ZHX3: variants seen among roughly 807,000 people sequenced by gnomAD.
ZHX3 encodes zinc fingers and homeoboxes protein 3.
ZHX3 carries 20 observed loss-of-function variants against 64.5 expected under a neutral mutation model. The observed-to-expected ratio is 0.31, with a 90% confidence interval of 0.22 to 0.45. The LOEUF (loss-of-function observed/expected upper bound fraction) is 0.45. Ranked by LOEUF, ZHX3 falls within the 20% of genes least tolerant of loss-of-function variation. ZHX3 has a pLI of 1.00. For missense variants in ZHX3, 1,041 were observed against 1,195.8 expected (o/e 0.87, Z 1.91); for synonymous variants, 423 against 461.6 (o/e 0.92, Z 1.07).
intron 2 of ZHX3, among the ~76,000 whole-genome samples, chr20:41,208,714 G>C (rs1488169687): frequency 1.3e-5 from 2 of 152,114 alleles, no homozygotes; most frequent in African/African-American, 4.8e-5. Context: ...AGCTATTTAT[G>C]ACAAACCCAC....
In ZHX3 at chr20:41,205,857, T is replaced by C. The variant is rs185032696; in HGVS notation, c.-150-791A>G. On this transcript the variant is annotated intron_variant, in intron 2 of 3. Transcript: ENST00000683867. Reference sequence around the variant, plus strand: ...CAGTTGGACTGCCTCCCCAAGTGGGTCCCTGACCCCTGAGTAGCCTAACTG... The same window carrying C: ...CAGTTGGACTGCCTCCCCAAGTGGGCCCCTGACCCCTGAGTAGCCTAACTG... Among the ~76,000 whole-genome samples the C allele has an allele frequency of 2.8e-3, 425 of 152,228 alleles. 3 individuals are homozygous for C. Among genetic ancestry groups the C allele is most frequent in the South Asian group, 0.016 (75 of 4,810 alleles).
chr20:41,185,009 G>A lies in ZHX3; in HGVS notation c.*182C>T. ...CCCCATCTTGCTTGCTGCTTGCTTG[G>A]TGGTGGGCAGGCCGAGGGTAGCGGC... On this transcript the variant is annotated 3_prime_UTR_variant, in exon 4 of 4. Coordinates refer to ENST00000683867, the MANE Select transcript of ZHX3 (RefSeq NM_001384317.1). The surrounding 1 kb of genome is among the most constrained non-coding windows in gnomAD (Gnocchi z 5.0). The A allele has an allele frequency of 1.3e-6, 2 of 1,551,312 alleles. No homozygotes were observed. Among genetic ancestry groups the A allele is most frequent in the Non-Finnish European group, 1.7e-6 (2 of 1,147,014 alleles).
intron 3 of ZHX3, among the ~76,000 whole-genome samples, chr20:41,192,657 G>A (rs2037132517): frequency 6.6e-6 from 1 of 152,196 alleles, no homozygotes; most frequent in Admixed American, 6.5e-5. Flanking sequence ...CCTCAGCTCT[G>A]GGGAAAACAG....
chr20:41,180,037 T>C lies in ZHX3; in HGVS notation c.*5154A>G, dbSNP rs1046109699. Reference sequence around the variant, plus strand: ...ACATACAGGTGCTCATGTGTGTGTGTGCACGCGCACATGAACACACGTTTC... The same window carrying C: ...ACATACAGGTGCTCATGTGTGTGTGCGCACGCGCACATGAACACACGTTTC... On this transcript the variant is annotated 3_prime_UTR_variant, in exon 4 of 4. Transcript: ENST00000683867. 2 of 152,702 alleles carry C rather than the reference T, an allele frequency of 1.3e-5. No individual in the cohort carries two copies. The highest frequency in any genetic ancestry group is 4.8e-5 in the African/African-American group (2 of 41,464). The allele number at this position is 152,702 out of a possible 1,614,324, so 9.5% of individuals were successfully genotyped here.
In ZHX3 at chr20:41,253,246, A is replaced by C. The variant is rs894043257; in HGVS notation, c.-151+15744T>G. Among the ~76,000 whole-genome samples, 3 of 25,934 alleles carry C rather than the reference A, an allele frequency of 1.2e-4. No homozygotes were observed. In the African/African-American group the frequency reaches 1.3e-3, roughly 11 times the overall value. The allele number at this position is 25,934 out of a possible 152,430, so 17.0% of individuals were successfully genotyped here. ...TTGTCTTGGTTTTTGGGACTACAGT[A>C]AAAAAAAAAAAAAAAGTATGGACTT... On this transcript the variant is annotated intron_variant, in intron 2 of 3. Transcript: ENST00000683867.
rs1478312026 is a variant in ZHX3, at chr20:41,204,337, C to T, written c.580G>A (p.Ala194Thr). The T allele has an allele frequency of 1.2e-6, 2 of 1,614,176 alleles. No individual in the cohort carries two copies. Among genetic ancestry groups the T allele is most frequent in the Non-Finnish European group, 1.7e-6 (2 of 1,180,032 alleles). The change falls in exon 3 of 4, where the codon GCT becomes ACT. Residue 194 changes from alanine to threonine, a missense_variant. Coordinates refer to ENST00000683867, the MANE Select transcript of ZHX3 (RefSeq NM_001384317.1). This position sits in a 1 kb window ranked among gnomAD's most constrained non-coding sequence, Gnocchi z 6.6. ...AGTGTATGAATTTTTTTGGCTTCAG[C>T]TTTGCCTTTCATTATCTTCATGATT... ...TPIMKIMKGKAEAKKIHTLKE... is the reference protein window; with the variant it reads ...TPIMKIMKGKTEAKKIHTLKE...
intron 2 of ZHX3, among the ~76,000 whole-genome samples, chr20:41,231,952 G>C (rs2040632407): frequency 6.6e-6 from 1 of 152,106 alleles, no homozygotes; most frequent in Middle Eastern, 3.2e-3. Flanking sequence ...ATAGTGATTG[G>C]CCTGGAGATG....
rs1352277392 is a variant in ZHX3 at position 41,183,169 on chromosome 20, GTA to G, written c.*2020_*2021del. 1 of 147,102 alleles carries G rather than the reference GTA, an allele frequency of 6.8e-6. No homozygotes were observed. Among genetic ancestry groups the G allele is most frequent in the Non-Finnish European group, 1.5e-5 (1 of 66,544 alleles). 9.1% of individuals were successfully genotyped at this position (147,102 alleles called of 1,614,324 possible). ...CGAGAATCAAATGAGTATTTATACT[GTA>G]TATGTGTGTGTGTATATATATATAT... On this transcript the variant is annotated 3_prime_UTR_variant, in exon 4 of 4. Coordinates refer to ENST00000683867, the MANE Select transcript of ZHX3 (RefSeq NM_001384317.1). The surrounding 1 kb of genome is among the most constrained non-coding windows in gnomAD (Gnocchi z 5.3).
chr20:41,196,243 T>C (rs1408309491), intron 3 of ZHX3, among the ~76,000 whole-genome samples: 3 of 136,062 alleles, frequency 2.2e-5, no homozygotes, highest in Non-Finnish European at 3.0e-5. Context: ...CTGTTTCATA[T>C]GTTTTGGAGC....
chr20:41,265,646 T>C (rs952961193), intron 2 of ZHX3, among the ~76,000 whole-genome samples: 1 of 152,160 alleles, frequency 6.6e-6, no homozygotes, highest in African/African-American at 2.4e-5. Context: ...ACAAATTGTC[T>C]CAGAGTCTCT....
chr20:41,214,041 C>T (rs2039348112), intron 2 of ZHX3: 1 of 152,184 alleles, frequency 6.6e-6, no homozygotes, highest in African/African-American at 2.4e-5. Context: ...TGCCACTGCA[C>T]TCCAGCCAGG....
In ZHX3 at chr20:41,179,671, C is replaced by A. The variant is rs1157804322; in HGVS notation, c.*5520G>T. On this transcript the variant is annotated 3_prime_UTR_variant, in exon 4 of 4. Transcript: ENST00000683867. This position sits in a 1 kb window ranked among gnomAD's most constrained non-coding sequence, Gnocchi z 4.3. ...TTGAGACGGAGTTTCGCTCTGTCGC[C>A]CAGGCTGGAGTGCAGTGGCACGATC... 2.0e-5 allele frequency: 3 copies of A among 151,560 alleles called. No individual in the cohort carries two copies. Among genetic ancestry groups the A allele is most frequent in the African/African-American group, 7.3e-5 (3 of 41,186 alleles). The allele number at this position is 151,560 out of a possible 1,614,324, so 9.4% of individuals were successfully genotyped here.
At chr20:41,213,365 T>C (rs986952602) in intron 2 of ZHX3, among the ~76,000 whole-genome samples, 11 of 152,198 alleles carry the variant, frequency 7.2e-5, no homozygotes, top group African/African-American at 2.7e-4. Flanking sequence ...CTCAGTTCTA[T>C]AGAAGAGGGT....
At chr20:41,243,551 T>C (rs1351333149) in intron 2 of ZHX3, among the ~76,000 whole-genome samples, 1 of 152,232 alleles carries the variant, frequency 6.6e-6, no homozygotes, top group Non-Finnish European at 1.5e-5. Flanking sequence ...AGGAAAGTTA[T>C]ATCTTTTGTC....
intron 1 of ZHX3, among the ~76,000 whole-genome samples, chr20:41,296,357 T>A (rs569914905): frequency 2.0e-5 from 3 of 147,692 alleles, no homozygotes; most frequent in South Asian, 4.3e-4. Flanking sequence ...ACAGAGAAAG[T>A]AAGATAAGAG....
rs1173041096 is a variant in ZHX3 at position 41,238,984 on chromosome 20, T to TTC, written c.-151+30004_-151+30005dup. On this transcript the variant is annotated intron_variant, in intron 2 of 3. Coordinates refer to ENST00000683867, the MANE Select transcript of ZHX3 (RefSeq NM_001384317.1). ...TCTATGATGAAAACAAGGGCCTATTTTCTCTCTCTTTTTTTTTTTTTTTTT... is the reference window on the plus strand; with the variant it reads ...TCTATGATGAAAACAAGGGCCTATTTTCTCTCTCTCTTTTTTTTTTTTTTTTT... Among the ~76,000 whole-genome samples, 65 of 147,908 alleles carry TTC rather than the reference T, an allele frequency of 4.4e-4. 1 individual carries two copies. The highest frequency in any genetic ancestry group is 1.4e-3 in the African/African-American group (54 of 39,714).
intron 3 of ZHX3, chr20:41,197,295 TATATATAATTGTATATATTTAAA>T: frequency 3.4e-5 from 5 of 146,026 alleles, no homozygotes; most frequent in African/African-American, 9.9e-5. Flanking sequence ...ATATATATTT[TATATATAATTGTATATATTTAAA>T]ATACATATAT....
chr20:41,303,005 G>A (rs193239487), intron 1 of ZHX3, among the ~76,000 whole-genome samples: 27 of 151,632 alleles, frequency 1.8e-4, no homozygotes, highest in South Asian at 1.3e-3. Flanking sequence ...ATAGCCTGAC[G>A]ACCATCTCCA....
chr20:41,195,780 G>A lies in ZHX3; in HGVS notation c.2860+6277C>T, dbSNP rs1330970089. ...TACCTCTTAGGATTGCTTTCACTAT[G>A]TGTCATAAGTTCTGGTATGCTGTGT... On this transcript the variant is annotated intron_variant, in intron 3 of 3. Transcript: ENST00000683867. The surrounding 1 kb of genome is among the most constrained non-coding windows in gnomAD (Gnocchi z 4.2). Among the ~76,000 whole-genome samples the A allele has an allele frequency of 6.6e-6, 1 of 152,178 alleles. No homozygotes were observed. Among genetic ancestry groups the A allele is most frequent in the Non-Finnish European group, 1.5e-5 (1 of 68,034 alleles).
Sources: gnomAD v4.1 joint callset for allele counts (sites outside exome capture counted in the v4.1 genomes callset) on GRCh38, gnomAD v4.1.1 for gene constraint, Gnocchi (gnomAD v3.1) non-coding constraint, MANE v1.5 for transcripts, NCBI Gene and HGNC (gene_info 2026-07-23, HGNC 2026-07-21) for gene names.